The following HMBOX1 variants were observed in gnomAD, a reference collection of about 807,000 sequenced individuals.
HMBOX1 encodes homeobox containing 1, also known as homeobox-containing protein 1.
A neutral mutation model predicts 54.5 loss-of-function variants in HMBOX1; 14 were observed. The ratio of observed to expected loss-of-function variants is 0.26; its 90% confidence interval spans 0.17 to 0.40. HMBOX1 has a LOEUF of 0.40. Ranked by LOEUF, HMBOX1 falls within the 10% of genes least tolerant of loss-of-function variation. The pLI is 1.00. For missense variants in HMBOX1, 332 were observed against 514.4 expected (o/e 0.65, Z 3.43); for synonymous variants, 160 against 181.0 (o/e 0.88, Z 0.93).
intron 1 of HMBOX1, among the ~76,000 whole-genome samples, chr8:28,908,280 T>C (rs1488829498): frequency 2.0e-5 from 3 of 152,216 alleles, no homozygotes; most frequent in Non-Finnish European, 4.4e-5. Flanking sequence ...TTATAGGACC[T>C]TTCCTAGGAC....
At chr8:28,892,176 C>A (rs534082908) in intron 1 of HMBOX1, among the ~76,000 whole-genome samples, 2 of 152,306 alleles carry the variant, frequency 1.3e-5, no homozygotes, top group East Asian at 1.9e-4. Context: ...TGCATTTATG[C>A]TGCAGGTAAT....
intron 1 of HMBOX1, among the ~76,000 whole-genome samples, chr8:28,898,405 T>G (rs768846048): frequency 4.6e-5 from 7 of 152,244 alleles, no homozygotes; most frequent in Non-Finnish European, 8.8e-5. Context: ...GTTTCTAGCT[T>G]TCTATTTGTC....
At chr8:28,969,714 G>C (rs1161845793) in intron 2 of HMBOX1, among the ~76,000 whole-genome samples, 4 of 151,982 alleles carry the variant, frequency 2.6e-5, no homozygotes, top group East Asian at 3.9e-4. Context: ...ACGTAGCCTG[G>C]GCTTATTGCA....
intron 3 of HMBOX1, among the ~76,000 whole-genome samples, chr8:28,974,016 G>C (rs1040567310): frequency 8.6e-5 from 13 of 151,748 alleles, no homozygotes; most frequent in African/African-American, 3.1e-4. Flanking sequence ...ATTTTACCAT[G>C]TTGACCAGGC....
chr8:29,008,345 G>T (rs1212641321), intron 4 of HMBOX1, among the ~76,000 whole-genome samples: 10 of 152,158 alleles, frequency 6.6e-5, no homozygotes, highest in Admixed American at 6.5e-4. Context: ...ACATTTCTAA[G>T]TAATTGCTGT....
chr8:28,946,326 T>G (rs1024639521), intron 1 of HMBOX1, among the ~76,000 whole-genome samples: 1 of 151,246 alleles, frequency 6.6e-6, no homozygotes, highest in African/African-American at 2.4e-5. Context: ...CCTAGCACTT[T>G]GGGAGGCCAA....
At chr8:28,943,752 G>A (rs575085710) in intron 1 of HMBOX1, among the ~76,000 whole-genome samples, 2 of 152,252 alleles carry the variant, frequency 1.3e-5, no homozygotes, top group South Asian at 4.2e-4. Context: ...TTGATACTTG[G>A]TGTCTAGAGA....
intron 1 of HMBOX1, among the ~76,000 whole-genome samples, chr8:28,946,569 CA>C (rs879518052): frequency 0.018 from 2,481 of 136,314 alleles, 27 homozygotes; most frequent in Middle Eastern, 0.046. Flanking sequence ...GACTCCGTCT[CA>C]AAAAAAAAAA....
chr8:28,975,062 A>T (rs1586208373), intron 3 of HMBOX1, among the ~76,000 whole-genome samples: 1 of 152,354 alleles, frequency 6.6e-6, no homozygotes, highest in East Asian at 1.9e-4. Context: ...TAAGAATAAA[A>T]ATTTAAAGCT....
intron 6 of HMBOX1, among the ~76,000 whole-genome samples, chr8:29,039,198 T>G (rs1804438941): frequency 6.6e-6 from 1 of 152,198 alleles, no homozygotes; most frequent in Non-Finnish European, 1.5e-5. Context: ...TGGGGAAGCT[T>G]TGTCTGGTTC....
chr8:29,051,322 C>A lies in HMBOX1; in HGVS notation c.*167C>A. On this transcript the variant is annotated 3_prime_UTR_variant, in exon 10 of 10. Coordinates refer to ENST00000287701, the MANE Select transcript of HMBOX1 (RefSeq NM_001135726.3). ...GATGGCATGGTGCCCTCAGCCTTTG[C>A]ATATACTCTCTCAGTATTAACTCCC... 1 of 689,232 alleles carries A rather than the reference C, an allele frequency of 1.5e-6. No individual in the cohort carries two copies. Among genetic ancestry groups the A allele is most frequent in the Non-Finnish European group, 2.5e-6 (1 of 407,262 alleles). 42.7% of individuals were successfully genotyped at this position (689,232 alleles called of 1,614,324 possible).
intron 3 of HMBOX1, among the ~76,000 whole-genome samples, chr8:28,971,342 C>T (rs933972494): frequency 2.0e-5 from 3 of 152,054 alleles, no homozygotes; most frequent in Non-Finnish European, 2.9e-5. Flanking sequence ...CCACCCGCCT[C>T]GGCCTCCCAA....
intron 1 of HMBOX1, among the ~76,000 whole-genome samples, chr8:28,904,150 A>T (rs1446066738): frequency 2.0e-5 from 3 of 151,970 alleles, no homozygotes; most frequent in Non-Finnish European, 4.4e-5. Flanking sequence ...CCCATAATGT[A>T]TCACTTATGA....
intron 3 of HMBOX1, among the ~76,000 whole-genome samples, chr8:28,979,081 G>A (rs1312333607): frequency 1.3e-5 from 2 of 152,190 alleles, no homozygotes; most frequent in Non-Finnish European, 2.9e-5. Context: ...GCTAGAATTA[G>A]CCCATAGGCG....
At chr8:28,967,799 T>C (rs1456841376) in intron 2 of HMBOX1, among the ~76,000 whole-genome samples, 1 of 152,170 alleles carries the variant, frequency 6.6e-6, no homozygotes, top group Admixed American at 6.5e-5. Flanking sequence ...TGAAAATAGG[T>C]CTTTTTAAAA....
At chr8:28,900,265 A>ATATATATAT (rs1311095400) in intron 1 of HMBOX1, among the ~76,000 whole-genome samples, 89 of 39,816 alleles carry the variant, frequency 2.2e-3, no homozygotes, top group Non-Finnish European at 5.8e-3. Context: ...AAAAAAAAAA[A>ATATATATAT]AAAAAAATAT....
At chr8:28,906,729 A>T (rs1814404252) in intron 1 of HMBOX1, among the ~76,000 whole-genome samples, 1 of 152,166 alleles carries the variant, frequency 6.6e-6, no homozygotes, top group South Asian at 2.1e-4. Context: ...GGCTGGGATT[A>T]TAGGCGTTAG....
At chr8:28,933,726 CAA>C (rs902712848) in intron 1 of HMBOX1, among the ~76,000 whole-genome samples, 11 of 152,122 alleles carry the variant, frequency 7.2e-5, no homozygotes, top group African/African-American at 2.7e-4. Flanking sequence ...TTGATGGACA[CAA>C]ATTATCAAAG....
At chr8:28,923,277 A>G (rs1817858773) in intron 1 of HMBOX1, among the ~76,000 whole-genome samples, 1 of 152,216 alleles carries the variant, frequency 6.6e-6, no homozygotes, top group African/African-American at 2.4e-5. Flanking sequence ...ATCACGCAGT[A>G]TACTACTATT....
Sources: allele counts gnomAD v4.1 joint callset (sites outside exome capture counted in the v4.1 genomes callset), GRCh38; gene constraint gnomAD v4.1.1; transcripts MANE v1.5; gene names NCBI Gene and HGNC (gene_info 2026-07-23, HGNC 2026-07-21).